DLGAP5: variants seen among roughly 807,000 people sequenced by gnomAD.
DLGAP5 encodes DLG associated protein 5, also known as disks large-associated protein 5.
A neutral mutation model predicts 99.6 loss-of-function variants in DLGAP5; 90 were observed. The ratio of observed to expected loss-of-function variants is 0.90; its 90% CI spans 0.76 to 1.08. The LOEUF is 1.08. DLGAP5 is among the 50% of genes least tolerant of loss of function. DLGAP5 has a pLI of 0.00. For synonymous variants in DLGAP5, 311 were observed against 321.3 expected (o/e 0.97, Z 0.34); for missense variants, 1,036 against 983.5 (o/e 1.05, Z -0.71).
intron 12 of DLGAP5, among the ~76,000 whole-genome samples, chr14:55,168,189 G>A (rs1882712689): frequency 6.6e-6 from 1 of 152,162 alleles, no homozygotes; most frequent in African/African-American, 2.4e-5. Flanking sequence ...CTGGGCTCAA[G>A]TGATCCTCCC....
intron 12 of DLGAP5, among the ~76,000 whole-genome samples, chr14:55,166,904 A>G (rs1211217526): frequency 2.0e-5 from 3 of 151,092 alleles, no homozygotes; most frequent in Non-Finnish European, 2.9e-5. Context: ...AAGTGCCCCA[A>G]TGGCCAACTT....
intron 2 of DLGAP5, among the ~76,000 whole-genome samples, chr14:55,186,999 C>T (rs1341153690): frequency 6.6e-6 from 1 of 152,108 alleles, no homozygotes; most frequent in Non-Finnish European, 1.5e-5. Context: ...ACCTCCACCT[C>T]CTGGGTTCAG....
At chr14:55,158,775 A>G in intron 13 of DLGAP5, 34 bp from the exon 14 acceptor site, 2 of 1,490,950 alleles carry the variant, frequency 1.3e-6, no homozygotes, top group African/African-American at 1.4e-5. Context: ...AAAGCTGCCC[A>G]TTACCATCTT....
chr14:55,158,486 A>G lies in DLGAP5; in HGVS notation c.1873+36T>C, dbSNP rs368248560. 1.7e-4 allele frequency: 268 copies of G among 1,582,992 alleles called. 3 individuals are homozygous for G. The South Asian group carries it at 2.9e-3, about 17-fold the overall frequency. Reference sequence around the variant, plus strand: ...AATATTTCTCTTAAGTAGTCTCAGGAAAAACAAAAAAAATAAAAAATCAAA... The same window carrying G: ...AATATTTCTCTTAAGTAGTCTCAGGGAAAACAAAAAAAATAAAAAATCAAA... On this transcript the variant is annotated intron_variant, in intron 14 of 18. Transcript: ENST00000247191.
At position 55,158,672 on chromosome 14, in the gene DLGAP5, G is replaced by A. The variant is rs549173191; in HGVS notation, c.1723C>T (p.Arg575Cys). 7.4e-6 allele frequency: 12 copies of A among 1,613,932 alleles called. No individual in the cohort carries two copies. The highest frequency in any genetic ancestry group is 1.1e-5 in the South Asian group (1 of 91,074). Residue 575 changes from arginine to cysteine, a missense_variant, in exon 14 of 19, where the codon CGC (arginine) becomes TGC (cysteine). Physicochemically the swap from Arg to Cys is radical, Grantham distance 180 (BLOSUM62 -3). Coordinates refer to ENST00000247191, the MANE Select transcript of DLGAP5 (RefSeq NM_014750.5). ...DDAGRIAARNRLAAIKNAMRE... is the reference protein window; with the variant it reads ...DDAGRIAARNCLAAIKNAMRE... ...ATTGCATTTTTTATGGCAGCTAGGC[G>A]ATTTCTCGCTGCAATTCTTCCAGCA...
At chr14:55,149,605 AAAG>A (rs1881939300) in intron 18 of DLGAP5, among the ~76,000 whole-genome samples, 1 of 152,242 alleles carries the variant, frequency 6.6e-6, no homozygotes, top group Non-Finnish European at 1.5e-5. Flanking sequence ...TTCTGAGATT[AAAG>A]AAGAATAAAA....
intron 6 of DLGAP5, 78 bp downstream of exon 6, chr14:55,180,578 T>C (rs1594681747): frequency 1.9e-6 from 3 of 1,582,384 alleles, no homozygotes; most frequent in African/African-American, 2.7e-5. Context: ...GAAGTACTTG[T>C]TGATTTTTGA....
At chr14:55,157,642 T>C (rs1163803555) in intron 14 of DLGAP5, among the ~76,000 whole-genome samples, 1 of 152,226 alleles carries the variant, frequency 6.6e-6, no homozygotes, top group African/African-American at 2.4e-5. Context: ...TCCTGAATAT[T>C]AAAAACTGCT....
chr14:55,177,738 T>C (rs936652730), intron 7 of DLGAP5, among the ~76,000 whole-genome samples: 6 of 151,128 alleles, frequency 4.0e-5, no homozygotes, highest in African/African-American at 1.2e-4. Context: ...GGGGTTTCGC[T>C]GTGTTAGCCA....
chr14:55,170,116 C>T (rs1449189256), intron 11 of DLGAP5, among the ~76,000 whole-genome samples: 1 of 150,974 alleles, frequency 6.6e-6, no homozygotes, highest in East Asian at 1.9e-4. Context: ...GCCTGGGCAA[C>T]AAGAGCAACA....
At chr14:55,164,937 A>AAAGG (rs371578269) in intron 12 of DLGAP5, among the ~76,000 whole-genome samples, 1 of 141,810 alleles carries the variant, frequency 7.1e-6, no homozygotes, top group African/African-American at 2.7e-5. Flanking sequence ...AAAAAAAAAA[A>AAAGG]GAGAAATTTG....
intron 8 of DLGAP5, among the ~76,000 whole-genome samples, chr14:55,176,835 G>A (rs988170115): frequency 1.3e-5 from 2 of 151,882 alleles, no homozygotes; most frequent in South Asian, 2.1e-4. Flanking sequence ...AAAATTAGCC[G>A]GGCGTGGTGA....
chr14:55,167,312 CTAA>C (rs1037697144), intron 12 of DLGAP5, among the ~76,000 whole-genome samples: 10 of 150,234 alleles, frequency 6.7e-5, no homozygotes, highest in Non-Finnish European at 1.3e-4. Flanking sequence ...AAATCTGCAA[CTAA>C]TAATGATACA....
intron 13 of DLGAP5, among the ~76,000 whole-genome samples, chr14:55,159,654 T>C (rs901929771): frequency 1.3e-5 from 2 of 152,176 alleles, no homozygotes; most frequent in Non-Finnish European, 2.9e-5. Flanking sequence ...GTGGAGATGC[T>C]GTCAGTTTGG....
At chr14:55,175,841 T>C (rs1883042268) in intron 9 of DLGAP5, 53 bp downstream of exon 9, 2 of 1,436,390 alleles carry the variant, frequency 1.4e-6, no homozygotes, top group Non-Finnish European at 1.9e-6. Flanking sequence ...AAGCAAAATA[T>C]TTTTTGTATT....
At chr14:55,154,944 TTC>T in intron 14 of DLGAP5, 138 bp from the exon 15 acceptor site, 1 of 723,078 alleles carries the variant, frequency 1.4e-6, no homozygotes, top group Non-Finnish European at 2.2e-6. Context: ...GCCTGGGACT[TTC>T]TGTTAAAGAT....
chr14:55,153,078 C>T (rs929622610), intron 15 of DLGAP5, among the ~76,000 whole-genome samples: 5 of 152,136 alleles, frequency 3.3e-5, no homozygotes, highest in African/African-American at 1.2e-4. Flanking sequence ...TGACTTCAAT[C>T]ATACTATTTC....
At chr14:55,175,239 C>A in intron 10 of DLGAP5, 107 bp downstream of exon 10, 1 of 919,136 alleles carries the variant, frequency 1.1e-6, no homozygotes, top group Non-Finnish European at 1.6e-6. Flanking sequence ...TGAAAATCAC[C>A]TAACACCAGT....
At chr14:55,183,937 G>A (rs1883352977) in intron 2 of DLGAP5, among the ~76,000 whole-genome samples, 184 bp from the exon 3 acceptor site, 1 of 152,218 alleles carries the variant, frequency 6.6e-6, no homozygotes, top group Non-Finnish European at 1.5e-5. Flanking sequence ...CGGATCATCT[G>A]AGGTCAGGAG....
Sources: gnomAD v4.1 joint callset for allele counts (sites outside exome capture counted in the v4.1 genomes callset) on GRCh38, gnomAD v4.1.1 for gene constraint, MANE v1.5 for transcripts, NCBI Gene and HGNC (gene_info 2026-07-23, HGNC 2026-07-21) for gene names.